Variants in SH3GL3 observed in about 807,000 individuals in gnomAD.
SH3GL3 encodes the protein SH3 domain containing GRB2 like 3, endophilin A3, also known as endophilin-A3.
In SH3GL3, 33 loss-of-function variants were observed where a neutral mutation model predicts 47.7. The ratio of observed to expected loss-of-function variants is 0.69; its 90% confidence interval spans 0.52 to 0.92. The LOEUF is 0.92. Among genes scored for constraint, SH3GL3 ranks in the 40% least tolerant of loss-of-function variants. The pLI, the probability that SH3GL3 is intolerant of heterozygous loss-of-function variation, is 0.00. For missense variants in SH3GL3, 363 were observed against 417.8 expected, an observed-to-expected ratio of 0.87 and a Z score of 1.14; for synonymous variants, 155 against 148.8, an observed-to-expected ratio of 1.04 and a Z score of -0.30.
intron 1 of SH3GL3, among the ~76,000 whole-genome samples, chr15:83,484,043 A>G (rs1481922845): frequency 6.6e-6 from 1 of 152,164 alleles, no homozygotes; most frequent in Non-Finnish European, 1.5e-5. Context: ...ATGGCTTACT[A>G]TATCTTGATG....
intron 2 of SH3GL3, among the ~76,000 whole-genome samples, chr15:83,563,741 C>G (rs1276833969): frequency 1.3e-5 from 2 of 152,042 alleles, no homozygotes; most frequent in Admixed American, 1.3e-4. Flanking sequence ...CAGGTTCAAG[C>G]GATTCTCCCA....
intron 1 of SH3GL3, among the ~76,000 whole-genome samples, chr15:83,519,062 G>A (rs779199114): frequency 6.6e-6 from 1 of 151,378 alleles, no homozygotes; most frequent in South Asian, 2.1e-4. Context: ...TGATGTTTTA[G>A]TTACTGTAGC....
intron 1 of SH3GL3, among the ~76,000 whole-genome samples, chr15:83,459,668 A>G (rs1410272273): frequency 6.6e-6 from 1 of 152,160 alleles, no homozygotes; most frequent in Non-Finnish European, 1.5e-5. Context: ...TTTTCATGTT[A>G]TACAGTTTCT....
At chr15:83,492,350 A>G (rs1468128342) in intron 1 of SH3GL3, among the ~76,000 whole-genome samples, 1 of 151,604 alleles carries the variant, frequency 6.6e-6, no homozygotes, top group Non-Finnish European at 1.5e-5. Context: ...CACTATGGGA[A>G]TGAAGTCCAT....
intron 1 of SH3GL3, among the ~76,000 whole-genome samples, chr15:83,456,510 G>C (rs112695877): frequency 4.0e-4 from 30 of 74,280 alleles, no homozygotes; most frequent in Middle Eastern, 4.2e-3. Context: ...ATAGTCTCGT[G>C]GTGCGCCGTT....
chr15:83,508,906 A>C (rs1310428248), intron 1 of SH3GL3, among the ~76,000 whole-genome samples: 2 of 152,148 alleles, frequency 1.3e-5, no homozygotes. Flanking sequence ...TTTTTAAAAG[A>C]TCATTCTGGT....
At chr15:83,552,226 AT>A (rs1355848746) in intron 1 of SH3GL3, among the ~76,000 whole-genome samples, 2 of 152,230 alleles carry the variant, frequency 1.3e-5, no homozygotes, top group African/African-American at 4.8e-5. Flanking sequence ...CAGAAATTAG[AT>A]TGAATGACGT....
chr15:83,572,555 T>C lies in SH3GL3; in HGVS notation c.332-10T>C, dbSNP rs2059570187. On this transcript the variant is annotated splice_polypyrimidine_tract_variant and intron_variant, in intron 4 of 8. Coordinates refer to ENST00000427482, the MANE Select transcript of SH3GL3 (RefSeq NM_003027.5). ...CAAAGAACCTTTTGTATTTATGTTT[T>C]CTATTCAAGGCAATGCATTGATAGA... is the stretch of plus-strand genomic sequence containing the variant. 6.2e-7 allele frequency: 1 copy of C among 1,606,828 alleles called. No homozygotes were observed. Among genetic ancestry groups the C allele is most frequent in the Non-Finnish European group, 8.5e-7 (1 of 1,176,834 alleles).
intron 6 of SH3GL3, among the ~76,000 whole-genome samples, chr15:83,580,126 T>A (rs1353809583): frequency 6.6e-6 from 1 of 152,190 alleles, no homozygotes; most frequent in Non-Finnish European, 1.5e-5. Context: ...GGGACTCTGG[T>A]TTCCTGCTCC....
intron 1 of SH3GL3, among the ~76,000 whole-genome samples, chr15:83,478,259 C>G (rs1040526362): frequency 6.6e-6 from 1 of 152,138 alleles, no homozygotes; most frequent in South Asian, 2.1e-4. Flanking sequence ...ATAGTTACAT[C>G]TAAGCACAGA....
intron 1 of SH3GL3, among the ~76,000 whole-genome samples, chr15:83,481,413 G>A (rs370037584): frequency 4.6e-5 from 7 of 152,198 alleles, no homozygotes; most frequent in East Asian, 1.9e-4. Flanking sequence ...GGTGGGCAAT[G>A]GATTTCTAGT....
chr15:83,627,585 A>G, the SH3GL3 span, among the ~76,000 whole-genome samples: 1 of 152,216 alleles, frequency 6.6e-6, no homozygotes, highest in Non-Finnish European at 1.5e-5. Context: ...CCTGTTCATT[A>G]GAATCTAGAC....
chr15:83,453,417 G>T (rs1237050305), intron 1 of SH3GL3, among the ~76,000 whole-genome samples: 3 of 95,580 alleles, frequency 3.1e-5, no homozygotes, highest in African/African-American at 1.2e-4. Flanking sequence ...GTAGAATTCG[G>T]CTGTGAATCC....
intron 8 of SH3GL3, among the ~76,000 whole-genome samples, chr15:83,593,765 A>G (rs1339522854): frequency 1.3e-5 from 2 of 152,016 alleles, no homozygotes; most frequent in Admixed American, 1.3e-4. Flanking sequence ...TTTAGGGGAG[A>G]AGCATTCAAT....
At chr15:83,482,494 T>A (rs1025860119) in intron 1 of SH3GL3, among the ~76,000 whole-genome samples, 7 of 150,428 alleles carry the variant, frequency 4.7e-5, no homozygotes, top group Admixed American at 2.7e-4. Flanking sequence ...TGAGCCTTCT[T>A]AAGTTTTTTT....
intron 3 of SH3GL3, among the ~76,000 whole-genome samples, chr15:83,567,017 A>C (rs1286219594): frequency 6.6e-6 from 1 of 152,242 alleles, no homozygotes; most frequent in Non-Finnish European, 1.5e-5. Context: ...AAAGTAGGAA[A>C]AAAAGTGTAT....
intron 1 of SH3GL3, among the ~76,000 whole-genome samples, chr15:83,453,416 G>T (rs1182328418): frequency 6.3e-5 from 6 of 94,732 alleles, no homozygotes; most frequent in African/African-American, 8.1e-5. Flanking sequence ...GGTAGAATTC[G>T]GCTGTGAATC....
chr15:83,447,695 T>G lies in SH3GL3; in HGVS notation c.45+117T>G. ...AGGGCCTCTCTCGGGGCTCAATTTCTTCCCGCCTAGGAGGGCGCGAGGGTG... is the reference window on the plus strand; with the variant it reads ...AGGGCCTCTCTCGGGGCTCAATTTCGTCCCGCCTAGGAGGGCGCGAGGGTG... On this transcript the variant is annotated intron_variant, in intron 1 of 8. Transcript: ENST00000427482. The surrounding 1 kb of genome is among the most constrained non-coding windows in gnomAD (Gnocchi z 5.1). The G allele has an allele frequency of 1.4e-6, 1 of 701,774 alleles. No homozygotes were observed. Among genetic ancestry groups the G allele is most frequent in the Non-Finnish European group, 2.2e-6 (1 of 461,490 alleles). 43.5% of individuals were successfully genotyped at this position (701,774 alleles called of 1,614,324 possible).
chr15:83,493,502 T>G (rs2041960085), intron 1 of SH3GL3, among the ~76,000 whole-genome samples: 1 of 152,194 alleles, frequency 6.6e-6, no homozygotes, highest in African/African-American at 2.4e-5. Flanking sequence ...GATCAGTGGC[T>G]CAGCAAGTGA....
Sources: gnomAD v4.1 joint callset for allele counts (sites outside exome capture counted in the v4.1 genomes callset) on GRCh38, gnomAD v4.1.1 for gene constraint, Gnocchi (gnomAD v3.1) non-coding constraint, MANE v1.5 for transcripts, NCBI Gene and HGNC (gene_info 2026-07-23, HGNC 2026-07-21) for gene names.